The following RBBP8NL variants were observed in gnomAD, a reference collection of about 807,000 sequenced individuals.
RBBP8NL encodes RBBP8 N-terminal-like protein.
Under a neutral mutation model 62.2 loss-of-function variants are expected in RBBP8NL, and 59 were observed. That is an observed-to-expected ratio of 0.95 (90% confidence interval 0.77 to 1.18). The LOEUF (loss-of-function observed/expected upper bound fraction) is 1.18, where lower values mean the gene tolerates loss of function less well. RBBP8NL is among the 50% of genes most tolerant of loss of function. The pLI is 0.00. For missense variants in RBBP8NL, 896 were observed against 899.5 expected (o/e 1.00, Z 0.05); for synonymous variants, 412 against 394.1 (o/e 1.05, Z -0.54).
rs1988561388 is a variant in RBBP8NL at position 62,416,196 on chromosome 20, C to T, written c.354G>A (p.Leu118=). ...CCCGAAGCCGCTTCACCTCCTCCTT[C>T]AAGGTCTCGTTCTCTTCCTTCAGCC... The part of the protein sequence containing the change: ...MNGLKEENET[L]KEEVKRLRGL... Residue 118 remains leucine (L), a synonymous_variant, in exon 6 of 14, where the codon TTG becomes TTA. Coordinates refer to ENST00000252998, the MANE Select transcript of RBBP8NL (RefSeq NM_080833.3). 6.2e-7 allele frequency: 1 copy of T among 1,612,612 alleles called. No individual in the cohort carries two copies. The highest frequency in any genetic ancestry group is 8.5e-7 in the Non-Finnish European group (1 of 1,179,704).
chr20:62,410,949 C>G lies in RBBP8NL; in HGVS notation c.1924G>C (p.Gly642Arg), dbSNP rs746349233. 1 of 1,613,768 alleles carries G rather than the reference C, an allele frequency of 6.2e-7. No individual in the cohort carries two copies. ...TCGGCGTCCCTTGGGCTCCCGGGCC[C>G]CTCAGTGGCTGTCAGTTTCCTTCTC... The part of the protein sequence containing the change: ...RGRRKLTATE[G>R]PGSPRDAEDH... The change falls in exon 14 of 14, where the codon GGG becomes CGG. Residue 642 changes from glycine (G) to arginine (R), a missense_variant. By Grantham distance (125) the Gly-to-Arg change is moderately radical. Coordinates refer to ENST00000252998, the MANE Select transcript of RBBP8NL (RefSeq NM_080833.3).
chr20:62,413,319 C>A (rs1234353818), intron 11 of RBBP8NL, 82 bp downstream of exon 11: 1 of 1,352,828 alleles, frequency 7.4e-7, no homozygotes, highest in Non-Finnish European at 9.6e-7. Context: ...ACACCCACTC[C>A]TGGTGGGCAC....
intron 1 of RBBP8NL, among the ~76,000 whole-genome samples, chr20:62,425,630 G>A (rs1254835395): frequency 6.6e-6 from 1 of 152,222 alleles, no homozygotes. Context: ...GGAGGCATCC[G>A]GGGCATCACT....
intron 1 of RBBP8NL, among the ~76,000 whole-genome samples, chr20:62,420,398 A>G (rs887708297): frequency 2.0e-5 from 3 of 151,278 alleles, no homozygotes; most frequent in African/African-American, 7.3e-5. Context: ...ACACACAGAT[A>G]GCATGTGCAC....
intron 4 of RBBP8NL, 100 bp downstream of exon 4, chr20:62,417,124 C>A (rs1477422950): frequency 3.3e-6 from 3 of 906,104 alleles, no homozygotes; most frequent in Non-Finnish European, 5.1e-6. Context: ...TCAGTTTATC[C>A]TGGAGTTTCC....
chr20:62,416,494 C>T (rs896758816), intron 5 of RBBP8NL, among the ~76,000 whole-genome samples: 2 of 152,200 alleles, frequency 1.3e-5, no homozygotes, highest in South Asian at 2.1e-4. Context: ...CACTGCAGGA[C>T]CTTCCGCATC....
chr20:62,413,554 A>T lies in RBBP8NL; in HGVS notation c.1531-9T>A, dbSNP rs751527562. 2 of 1,510,024 alleles carry T rather than the reference A, an allele frequency of 1.3e-6. No homozygotes were observed. Among genetic ancestry groups the T allele is most frequent in the Non-Finnish European group, 1.8e-6 (2 of 1,134,328 alleles). 93.5% of individuals were successfully genotyped at this position (1,510,024 alleles called of 1,614,324 possible). ...AGTGGGCGTGAGGGGTCCTGGGGGG[A>T]GGCAAGTAGGTGGCTTGAGTTTATT... On this transcript the variant is annotated splice_polypyrimidine_tract_variant and intron_variant, in intron 10 of 13. Coordinates refer to ENST00000252998, the MANE Select transcript of RBBP8NL (RefSeq NM_080833.3).
chr20:62,415,623 T>C lies in RBBP8NL; in HGVS notation c.582A>G (p.Lys194=), dbSNP rs762924477. 1.9e-6 allele frequency: 3 copies of C among 1,612,794 alleles called. No individual in the cohort carries two copies. The highest frequency in any genetic ancestry group is 1.7e-5 in the Admixed American group (1 of 59,996). Residue 194 remains lysine, a synonymous_variant, in exon 8 of 14, where the codon AAA becomes AAG. Transcript: ENST00000252998. ...CAGGCAGGGTGGCCCCTGGGGAGAT[T>C]TTGGCCACTGGAGATGTCCTGTGCC... The part of the protein sequence containing the change: ...PAGHRTSPVA[K]ISPGATLPES...
At chr20:62,412,975 GGT>G in intron 11 of RBBP8NL, 75 bp from the exon 12 acceptor site, 1 of 1,525,036 alleles carries the variant, frequency 6.6e-7, no homozygotes, top group Non-Finnish European at 9.0e-7. Flanking sequence ...GACTAGGATG[GGT>G]GGAGCCAACT....
rs1277126733 is a variant in RBBP8NL, at chr20:62,414,176, G to A, written c.1175C>T (p.Ser392Leu). The A allele has an allele frequency of 1.2e-6, 2 of 1,609,460 alleles. No individual in the cohort carries two copies. The highest frequency in any genetic ancestry group is 8.5e-7 in the Non-Finnish European group (1 of 1,179,244). ...GEMLPSLPVG[S>L]DSEGPENEGT... ...CTCATTCTCAGGGCCCTCAGAGTCT[G>A]AGCCGACTGGTAGGGAGGGCAGCAT... Residue 392 changes from serine (S) to leucine (L), a missense_variant, in exon 10 of 14, where the codon TCA (serine) becomes TTA (leucine). Coordinates refer to ENST00000252998, the MANE Select transcript of RBBP8NL (RefSeq NM_080833.3).
chr20:62,416,968 C>T, intron 4 of RBBP8NL, 96 bp from the exon 5 acceptor site: 1 of 974,402 alleles, frequency 1.0e-6, no homozygotes, highest in Non-Finnish European at 1.5e-6. Flanking sequence ...GTGCCCCTGC[C>T]CTTTGCAAAC....
Position 62,418,294 on chromosome 20 carries a change from C to T in RBBP8NL, c.104+129G>A, listed in dbSNP as rs1347251464. On this transcript the variant is annotated intron_variant, in intron 3 of 13. Transcript: ENST00000252998. ...GACCTTGGACAAGTGACTCCCCCCG[C>T]CCCCACACTGAGCCTCAGTTTCCCT... is the stretch of plus-strand genomic sequence containing the variant. The T allele has an allele frequency of 3.2e-6, 3 of 937,894 alleles. No homozygotes were observed. The East Asian group carries it at 7.9e-5, about 25-fold the overall frequency. The allele number at this position is 937,894 out of a possible 1,614,324, so 58.1% of individuals were successfully genotyped here. A position where few individuals can be genotyped will look rare whatever the true frequency, so the allele number is the denominator to read the frequency against.
Position 62,414,097 on chromosome 20 carries a change from C to G in RBBP8NL, c.1254G>C (p.Gln418His), listed in dbSNP as rs1555892140. Residue 418 changes from glutamine to histidine, a missense_variant, in exon 10 of 14, where the codon CAG (glutamine) becomes CAC (histidine). Transcript: ENST00000252998. ...AAGLSGGRHT[Q>H]PAGPGRAQRT... is the part of the protein sequence containing the mutation. ...TCTGGGCGCGGCCCGGGCCTGCAGG[C>G]TGTGTGTGCCGCCCTCCAGACAGGC... 6.3e-7 allele frequency: 1 copy of G among 1,592,630 alleles called. No homozygotes were observed. Among genetic ancestry groups the G allele is most frequent in the East Asian group, 2.3e-5 (1 of 43,926 alleles).
chr20:62,414,992 T>G (rs1048986712), intron 9 of RBBP8NL, 129 bp downstream of exon 9: 6 of 1,025,756 alleles, frequency 5.8e-6, no homozygotes, highest in Admixed American at 6.7e-5. Flanking sequence ...CCAGGCTGGG[T>G]GCCCAGAAAA....
chr20:62,416,079 G>T, intron 6 of RBBP8NL, 85 bp downstream of exon 6: 1 of 1,481,946 alleles, frequency 6.7e-7, no homozygotes, highest in Non-Finnish European at 9.2e-7. Context: ...CTCCATGGGC[G>T]GTTCCCCCAG....
chr20:62,413,807 A>G lies in RBBP8NL; in HGVS notation c.1530+14T>C. ...GGCTGAGGACCGGGTCTGAGCCAGG[A>G]CCGGGCTCCTTACCATGGGAGTGGA... is the stretch of plus-strand genomic sequence containing the variant. On this transcript the variant is annotated intron_variant, in intron 10 of 13. Coordinates refer to ENST00000252998, the MANE Select transcript of RBBP8NL (RefSeq NM_080833.3). The G allele has an allele frequency of 6.3e-7, 1 of 1,584,058 alleles. No homozygotes were observed. The highest frequency in any genetic ancestry group is 8.6e-7 in the Non-Finnish European group (1 of 1,166,606).
chr20:62,411,607 C>G (rs1164037193), intron 13 of RBBP8NL, among the ~76,000 whole-genome samples: 4 of 152,266 alleles, frequency 2.6e-5, no homozygotes, highest in African/African-American at 9.6e-5. Context: ...GCTGCACCCA[C>G]TCTTCTGGGG....
chr20:62,417,328 G>A lies in RBBP8NL; in HGVS notation c.105-9C>T. 6.3e-7 allele frequency: 1 copy of A among 1,577,380 alleles called. No individual in the cohort carries two copies. The highest frequency in any genetic ancestry group is 8.6e-7 in the Non-Finnish European group (1 of 1,163,516). ...CGATCCTCTGGGCGTCCCTGTGGTG[G>A]GAAACAGCTAAAGTGGGGTCCTGTT... On this transcript the variant is annotated splice_polypyrimidine_tract_variant and intron_variant, in intron 3 of 13. Coordinates refer to ENST00000252998, the MANE Select transcript of RBBP8NL (RefSeq NM_080833.3).
Position 62,413,802 on chromosome 20 carries a change from C to T in RBBP8NL, c.1530+19G>A, listed in dbSNP as rs1271368221. 3.8e-6 allele frequency: 6 copies of T among 1,576,838 alleles called. No individual in the cohort carries two copies. The highest frequency in any genetic ancestry group is 5.2e-6 in the Non-Finnish European group (6 of 1,162,900). On this transcript the variant is annotated intron_variant, in intron 10 of 13. Coordinates refer to ENST00000252998, the MANE Select transcript of RBBP8NL (RefSeq NM_080833.3). ...GTGGAGGCTGAGGACCGGGTCTGAG[C>T]CAGGACCGGGCTCCTTACCATGGGA...
Sources: gnomAD v4.1 joint callset for allele counts (sites outside exome capture counted in the v4.1 genomes callset) on GRCh38, gnomAD v4.1.1 for gene constraint, MANE v1.5 for transcripts, NCBI Gene and HGNC (gene_info 2026-07-23, HGNC 2026-07-21) for gene names.